The following TP53I11 variants were observed in gnomAD, a reference collection of about 807,000 sequenced individuals.
The protein encoded by TP53I11 is tumor protein p53 inducible protein 11, also known as tumor protein p53-inducible protein 11.
In TP53I11, 9 loss-of-function variants were observed where a neutral mutation model predicts 23.3. The observed-to-expected ratio is 0.39, with a 90% CI of 0.23 to 0.67. The LOEUF is 0.67. TP53I11 is among the 30% of genes least tolerant of loss of function. The probability of loss-of-function intolerance (pLI) is 0.48; values close to 1 mark genes in which losing one functional copy is unlikely to be tolerated. For synonymous variants in TP53I11, 100 were observed against 106.1 expected (o/e 0.94, Z 0.35); for missense variants, 170 against 255.2 (o/e 0.67, Z 2.27).
chr11:44,947,229 A>G (rs1232731348), intron 1 of TP53I11: 3 of 427,448 alleles, frequency 7.0e-6, no homozygotes, highest in Non-Finnish European at 1.4e-5. Flanking sequence ...GCAGAACATG[A>G]AGAATTCCTG....
intron 6 of TP53I11, 86 bp from the exon 7 acceptor site, chr11:44,935,103 G>C: frequency 1.3e-6 from 2 of 1,579,110 alleles, no homozygotes; most frequent in African/African-American, 1.3e-5. Context: ...CGCTGGTGTG[G>C]CCGTCTCCCT....
At chr11:44,948,320 C>T (rs1862587388) in intron 1 of TP53I11, among the ~76,000 whole-genome samples, 3 of 152,094 alleles carry the variant, frequency 2.0e-5, no homozygotes, top group Admixed American at 2.0e-4. Flanking sequence ...CTTCCTCAGC[C>T]CCTCACTCCC....
Position 44,936,566 on chromosome 11 carries a change from C to A in TP53I11, c.334+237G>T, listed in dbSNP as rs957524457. 1 of 1,306,330 alleles carries A rather than the reference C, an allele frequency of 7.7e-7. No homozygotes were observed. Among genetic ancestry groups the A allele is most frequent in the Non-Finnish European group, 9.7e-7 (1 of 1,028,164 alleles). 80.9% of individuals were successfully genotyped at this position (1,306,330 alleles called of 1,614,324 possible). A position where few individuals can be genotyped will look rare whatever the true frequency, so the allele number is the denominator to read the frequency against. On this transcript the variant is annotated intron_variant, in intron 5 of 6. Coordinates refer to ENST00000525680, the MANE Select transcript of TP53I11 (RefSeq NM_006034.5). This position sits in a 1 kb window ranked among gnomAD's most constrained non-coding sequence, Gnocchi z 4.4. ...CAGAGGCAGTGCACACACTTATGAG[C>A]GCTCCTTGCAGATGGTGGCGACTGC...
At position 44,934,626 on chromosome 11, in the gene TP53I11, G is replaced by A. The variant is rs1181766869; in HGVS notation, c.*258C>T. 4.1e-6 allele frequency: 2 copies of A among 485,472 alleles called. No homozygotes were observed. The highest frequency in any genetic ancestry group is 3.9e-5 in the African/African-American group (2 of 51,638). 30.1% of individuals were successfully genotyped at this position (485,472 alleles called of 1,614,324 possible). The stretch of plus-strand genomic sequence containing the variant: ...TGGAGGCCAAGAGACCCAAGGAAAG[G>A]AGGTATCACTGTGAGGGTGAAGAAC... On this transcript the variant is annotated 3_prime_UTR_variant, in exon 7 of 7. Coordinates refer to ENST00000525680, the MANE Select transcript of TP53I11 (RefSeq NM_006034.5).
Position 44,933,616 on chromosome 11 carries a change from G to A in TP53I11, c.*1268C>T, listed in dbSNP as rs1565048922. On this transcript the variant is annotated 3_prime_UTR_variant, in exon 7 of 7. Transcript: ENST00000525680. ...CCCTCAGGGAGAAGCTGGGCGGTGG[G>A]TATGCAGCACAGGCTGGTGGGCCCT... 1 of 155,772 alleles carries A rather than the reference G, an allele frequency of 6.4e-6. No individual in the cohort carries two copies. The highest frequency in any genetic ancestry group is 1.4e-5 in the Non-Finnish European group (1 of 70,386). 9.6% of individuals were successfully genotyped at this position (155,772 alleles called of 1,614,324 possible). A position where few individuals can be genotyped will look rare whatever the true frequency, so the allele number is the denominator to read the frequency against.
At chr11:44,950,147 C>G (rs906532609) in intron 1 of TP53I11, 1 of 152,346 alleles carries the variant, frequency 6.6e-6, no homozygotes, top group Non-Finnish European at 1.5e-5. Context: ...CGCGGCCCTG[C>G]GGGGGCAAAG....
intron 1 of TP53I11, among the ~76,000 whole-genome samples, chr11:44,948,964 T>G (rs1296548642): frequency 1.3e-5 from 2 of 152,178 alleles, no homozygotes; most frequent in Non-Finnish European, 2.9e-5. Context: ...CAGCTGGACA[T>G]GGGTGAAGGG....
chr11:44,941,865 C>T (rs943521093), intron 1 of TP53I11, among the ~76,000 whole-genome samples: 8 of 152,116 alleles, frequency 5.3e-5, no homozygotes, highest in East Asian at 1.9e-4. Flanking sequence ...GCTGTGTCCA[C>T]GGCCCACCTC....
intron 4 of TP53I11, 191 bp downstream of exon 4, chr11:44,937,113 G>T (rs753839721): frequency 1.3e-6 from 1 of 796,502 alleles, no homozygotes; most frequent in South Asian, 1.5e-5. Flanking sequence ...ACAAACCATG[G>T]GATCTAGTGT....
chr11:44,943,013 C>T (rs1554949826), intron 1 of TP53I11: 1 of 152,354 alleles, frequency 6.6e-6, no homozygotes, highest in Non-Finnish European at 1.5e-5. Context: ...TATGGCCAAA[C>T]CCCGGCTTTG....
At chr11:44,948,933 C>G (rs1009471667) in intron 1 of TP53I11, among the ~76,000 whole-genome samples, 1 of 152,202 alleles carries the variant, frequency 6.6e-6, no homozygotes, top group African/African-American at 2.4e-5. Context: ...AGGTCGCAGT[C>G]CTAGAACTGG....
intron 1 of TP53I11, among the ~76,000 whole-genome samples, chr11:44,949,434 G>A (rs1489907784): frequency 1.3e-5 from 2 of 152,204 alleles, no homozygotes; most frequent in African/African-American, 2.4e-5. Flanking sequence ...CAGGGTAGTG[G>A]GGCGGTGAGG....
chr11:44,935,254 C>T (rs981435066), intron 6 of TP53I11, among the ~76,000 whole-genome samples: 12 of 152,242 alleles, frequency 7.9e-5, no homozygotes, highest in Admixed American at 1.3e-4. Flanking sequence ...AAATTGAATG[C>T]GTGTTATTAC....
rs1423206072 is a variant in TP53I11 at position 44,938,227 on chromosome 11, C to T, written c.109G>A (p.Gly37Arg). 2.5e-6 allele frequency: 4 copies of T among 1,613,148 alleles called. No homozygotes were observed. Among genetic ancestry groups the T allele is most frequent in the Admixed American group, 1.7e-5 (1 of 59,952 alleles). The part of the protein sequence containing the change: ...ILGVGGEDDD[G>R]EVHRSKISQV... ...CCCACCTTGGAGCGATGCACCTCCCCGTCGTCATCCTCCCCGCCCACGCCG... is the reference window on the plus strand; with the variant it reads ...CCCACCTTGGAGCGATGCACCTCCCTGTCGTCATCCTCCCCGCCCACGCCG... Residue 37 changes from glycine to arginine, a missense_variant, in exon 2 of 7, where the codon GGG (glycine) becomes AGG (arginine). Gly to Arg is a moderately radical substitution (Grantham distance 125). Transcript: ENST00000525680.
intron 1 of TP53I11, among the ~76,000 whole-genome samples, chr11:44,940,211 G>C (rs1449681162): frequency 1.3e-5 from 2 of 152,266 alleles, no homozygotes; most frequent in Admixed American, 6.5e-5. Context: ...CCTCAGCCAA[G>C]GATGTTGCCT....
At chr11:44,950,427 G>A (rs1300388715) in intron 1 of TP53I11, among the ~76,000 whole-genome samples, 3 of 152,172 alleles carry the variant, frequency 2.0e-5, no homozygotes, top group Non-Finnish European at 4.4e-5. Flanking sequence ...CGAGGGGAGA[G>A]CGCGCAGGGG....
At position 44,937,341 on chromosome 11, in the gene TP53I11, A is replaced by G. The variant is rs756387567; in HGVS notation, c.200T>C (p.Phe67Ser). The change falls in exon 4 of 7, where the codon TTC (phenylalanine) becomes TCC (serine). Residue 67 changes from phenylalanine (F) to serine (S), a missense_variant. Transcript: ENST00000525680. ...REPLGLRVWQ[F>S]VSAVLFSGIA... is the part of the protein sequence containing the mutation. ...GCCGGAGAAGAGCACAGCAGAGACG[A>G]ACTGCCAGACCCTGGGAGGCGTGGA... 2.0e-6 allele frequency: 3 copies of G among 1,484,514 alleles called. No homozygotes were observed. Among genetic ancestry groups the G allele is most frequent in the African/African-American group, 2.8e-5 (2 of 70,748 alleles). 92.0% of individuals were successfully genotyped at this position (1,484,514 alleles called of 1,614,324 possible). A position where few individuals can be genotyped will look rare whatever the true frequency, so the allele number is the denominator to read the frequency against.
chr11:44,932,980 T>G lies in TP53I11; in HGVS notation c.*1904A>C, dbSNP rs1416821979. The G allele has an allele frequency of 6.6e-6, 1 of 152,180 alleles. No homozygotes were observed. The highest frequency in any genetic ancestry group is 2.4e-5 in the African/African-American group (1 of 41,404). 9.4% of individuals were successfully genotyped at this position (152,180 alleles called of 1,614,324 possible). ...GATTAGGCCTGGCTCAGATGGGGGATTGAGGCTTCGGCCTGAGGGCACTGC... is the reference window on the plus strand; with the variant it reads ...GATTAGGCCTGGCTCAGATGGGGGAGTGAGGCTTCGGCCTGAGGGCACTGC... On this transcript the variant is annotated 3_prime_UTR_variant, in exon 7 of 7. Coordinates refer to ENST00000525680, the MANE Select transcript of TP53I11 (RefSeq NM_006034.5).
chr11:44,933,004 GCCCAT>G lies in TP53I11; in HGVS notation c.*1875_*1879del. 1.3e-5 allele frequency: 2 copies of G among 148,262 alleles called. No homozygotes were observed. The allele number at this position is 148,262 out of a possible 1,614,324, so 9.2% of individuals were successfully genotyped here. A position where few individuals can be genotyped will look rare whatever the true frequency, so the allele number is the denominator to read the frequency against. On this transcript the variant is annotated 3_prime_UTR_variant, in exon 7 of 7. Coordinates refer to ENST00000525680, the MANE Select transcript of TP53I11 (RefSeq NM_006034.5). ...ATTGAGGCTTCGGCCTGAGGGCACT[GCCCAT>G]TGGCGGCACCACCTGTGGGCAGCAG...
Sources: gnomAD v4.1 joint callset for allele counts (sites outside exome capture counted in the v4.1 genomes callset) on GRCh38, gnomAD v4.1.1 for gene constraint, Gnocchi (gnomAD v3.1) non-coding constraint, MANE v1.5 for transcripts, NCBI Gene and HGNC (gene_info 2026-07-23, HGNC 2026-07-21) for gene names.